The following STYXL1 variants were observed in gnomAD, a reference collection of about 807,000 sequenced individuals.
STYXL1 encodes serine/threonine/tyrosine-interacting-like protein 1.
STYXL1 carries 32 observed loss-of-function variants against 36.4 expected under a neutral mutation model. The observed-to-expected ratio is 0.88, with a 90% CI of 0.66 to 1.18. STYXL1 has a LOEUF of 1.18. Ranked by LOEUF, STYXL1 falls within the 50% of genes most tolerant of loss-of-function variation. The pLI is 0.00. For synonymous variants in STYXL1, 133 were observed against 144.1 expected (o/e 0.92, Z 0.55); for missense variants, 354 against 394.1 (o/e 0.90, Z 0.86).
At chr7:76,020,897 C>T (rs1350005975) in intron 4 of STYXL1, among the ~76,000 whole-genome samples, 1 of 152,036 alleles carries the variant, frequency 6.6e-6, no homozygotes, top group Non-Finnish European at 1.5e-5. Flanking sequence ...GCATGGCACA[C>T]ATGGAACTGT....
At chr7:76,016,431 ACATATATACG>A (rs570426400) in intron 4 of STYXL1, among the ~76,000 whole-genome samples, 63 of 150,894 alleles carry the variant, frequency 4.2e-4, no homozygotes, top group Non-Finnish European at 5.6e-4. Context: ...ACACATATAT[ACATATATACG>A]CATATATACA....
intron 1 of STYXL1, chr7:76,045,167 A>C (rs1796831781): frequency 6.6e-6 from 1 of 151,992 alleles, no homozygotes; most frequent in Admixed American, 6.6e-5. Flanking sequence ...TCACTCCTCA[A>C]ACCCAGATGA....
chr7:76,004,530 C>G (rs1389839923), intron 6 of STYXL1, among the ~76,000 whole-genome samples: 4 of 151,658 alleles, frequency 2.6e-5, no homozygotes, highest in Non-Finnish European at 4.4e-5. Context: ...ATTTTGAAAC[C>G]CTGTCTCTAC....
Position 76,011,367 on chromosome 7 carries a change from T to C in STYXL1, c.453+2375A>G, listed in dbSNP as rs143220540. 6.4e-4 allele frequency among the ~76,000 whole-genome samples: 98 copies of C among 152,350 alleles called. No individual in the cohort carries two copies. The Middle Eastern group carries it at 0.017, about 26-fold the overall frequency. The stretch of plus-strand genomic sequence containing the variant: ...TCACCCGTAAATATTTTGTTCTGTA[T>C]TTCTAAAAGATAAGGACTTGTACTT... On this transcript the variant is annotated intron_variant, in intron 5 of 8. Transcript: ENST00000359697.
intron 5 of STYXL1, among the ~76,000 whole-genome samples, chr7:76,010,515 C>G (rs1442809616): frequency 6.6e-6 from 1 of 152,056 alleles, no homozygotes; most frequent in Non-Finnish European, 1.5e-5. Context: ...TGAAGGGAGT[C>G]ACCACTGGCT....
chr7:76,013,571 C>T (rs568179928), intron 5 of STYXL1, among the ~76,000 whole-genome samples, 171 bp downstream of exon 5: 125 of 151,792 alleles, frequency 8.2e-4, no homozygotes, highest in Non-Finnish European at 1.2e-3. Context: ...ACTATGGGCA[C>T]GCACCACCAC....
At chr7:76,030,351 G>A in intron 2 of STYXL1, 70 bp downstream of exon 2, 1 of 1,249,216 alleles carries the variant, frequency 8.0e-7, no homozygotes, top group Non-Finnish European at 1.2e-6. Flanking sequence ...CCAAAAGTTT[G>A]TTAACTCATC....
At position 75,996,482 on chromosome 7, in the gene STYXL1, C is replaced by G; in HGVS notation, c.928G>C (p.Asp310His). The change falls in exon 9 of 9, where the codon GAT (aspartate) becomes CAT (histidine). Residue 310 changes from aspartate (D) to histidine (H), a missense_variant. Physicochemically the swap from Asp to His is moderately conservative, Grantham distance 81 (BLOSUM62 -1). Coordinates refer to ENST00000359697, the MANE Select transcript of STYXL1 (RefSeq NM_001317785.2). ...ILGDSITNIM[D>H]PLY ...CTCGGAGAAGATCAGTAGAGCGGAT[C>G]CATGATGTTTGTGATGGAATCTCCA... 6.2e-7 allele frequency: 1 copy of G among 1,614,190 alleles called. No individual in the cohort carries two copies. The highest frequency in any genetic ancestry group is 2.2e-5 in the East Asian group (1 of 44,882).
chr7:76,026,192 C>CAAAAA lies in STYXL1; in HGVS notation c.165+2445_165+2449dup, dbSNP rs1159067824. ...GGAGGACAGAGCAAGACTCTGTCTC[C>CAAAAA]AAAAAAAAAAAAAAAAAAAAAAAAA... is the stretch of plus-strand genomic sequence containing the variant. On this transcript the variant is annotated intron_variant, in intron 3 of 8. Coordinates refer to ENST00000359697, the MANE Select transcript of STYXL1 (RefSeq NM_001317785.2). Among the ~76,000 whole-genome samples the CAAAAA allele has an allele frequency of 1.3e-3, 24 of 18,622 alleles. 11 individuals are homozygous for CAAAAA. Among genetic ancestry groups the CAAAAA allele is most frequent in the Admixed American group, 1.9e-3 (2 of 1,074 alleles). 12.2% of individuals were successfully genotyped at this position (18,622 alleles called of 152,430 possible).
intron 5 of STYXL1, among the ~76,000 whole-genome samples, chr7:76,010,978 GC>G (rs1554572049): frequency 6.6e-6 from 1 of 152,126 alleles, no homozygotes; most frequent in Admixed American, 6.6e-5. Context: ...ACTTTGAGAG[GC>G]CAAGGCAGGA....
At chr7:76,032,928 A>T (rs1159779562) in intron 1 of STYXL1, among the ~76,000 whole-genome samples, 4 of 152,086 alleles carry the variant, frequency 2.6e-5, no homozygotes, top group African/African-American at 9.7e-5. Context: ...AGAGAGTTCA[A>T]AGGAGCCTGG....
At chr7:76,032,521 G>A (rs1554579680) in intron 1 of STYXL1, among the ~76,000 whole-genome samples, 1 of 151,860 alleles carries the variant, frequency 6.6e-6, no homozygotes, top group Non-Finnish European at 1.5e-5. Flanking sequence ...GACCAACATG[G>A]CAAAACTCCG....
chr7:75,998,246 G>A (rs1230567582), intron 8 of STYXL1, among the ~76,000 whole-genome samples: 2 of 151,866 alleles, frequency 1.3e-5, no homozygotes, highest in Non-Finnish European at 2.9e-5. Context: ...AGAGACTAGT[G>A]GAATAGAATA....
chr7:76,012,233 G>C (rs782016953), intron 5 of STYXL1, among the ~76,000 whole-genome samples: 1 of 150,714 alleles, frequency 6.6e-6, no homozygotes, highest in Non-Finnish European at 1.5e-5. Context: ...TGGCCTCCCA[G>C]AGTGCTAAAA....
intron 8 of STYXL1, among the ~76,000 whole-genome samples, chr7:76,000,236 A>AG: frequency 7.3e-6 from 1 of 137,334 alleles, no homozygotes; most frequent in Non-Finnish European, 1.6e-5. Context: ...AAAAAAAAAA[A>AG]AAAAAAAGGA....
chr7:76,008,050 T>C (rs537057264), intron 5 of STYXL1, among the ~76,000 whole-genome samples: 15 of 151,316 alleles, frequency 9.9e-5, no homozygotes, highest in African/African-American at 3.2e-4. Flanking sequence ...AATACAAAAA[T>C]TAGCCAGGTG....
In STYXL1 at chr7:76,028,676, T is replaced by C. The variant is rs1554578415; in HGVS notation, c.131A>G (p.Glu44Gly). Residue 44 changes from glutamate to glycine, a missense_variant, in exon 3 of 9, where the codon GAA becomes GGA. By Grantham distance (98) the Glu-to-Gly change is moderately conservative. Transcript: ENST00000359697. The part of the protein sequence containing the change: ...LDVRSKWEYD[E>G]SHVITALRVK... ...TCGAAGGGCAGTGATCACATGGCTT[T>C]CGTCATACTCCCATTTGGAACGGAC... is the stretch of plus-strand genomic sequence containing the variant. 1.2e-6 allele frequency: 2 copies of C among 1,614,166 alleles called. No individual in the cohort carries two copies. Among genetic ancestry groups the C allele is most frequent in the African/African-American group, 1.3e-5 (1 of 75,068 alleles).
chr7:76,025,073 T>C (rs1354394698), intron 3 of STYXL1, among the ~76,000 whole-genome samples: 29 of 136,430 alleles, frequency 2.1e-4, no homozygotes, highest in African/African-American at 7.3e-4. Context: ...AGGTGTCAGG[T>C]GAGAGTGGAA....
intron 4 of STYXL1, among the ~76,000 whole-genome samples, chr7:76,021,240 C>A (rs1454376042): frequency 6.6e-6 from 1 of 152,118 alleles, no homozygotes; most frequent in Non-Finnish European, 1.5e-5. Flanking sequence ...TGCCACCATG[C>A]CCGGCTAATT....
Sources: allele counts gnomAD v4.1 joint callset (sites outside exome capture counted in the v4.1 genomes callset), GRCh38; gene constraint gnomAD v4.1.1; transcripts MANE v1.5; gene names NCBI Gene and HGNC (gene_info 2026-07-23, HGNC 2026-07-21).